The following AFG2A variants were observed in gnomAD, a reference collection of about 807,000 sequenced individuals.
AFG2A encodes the protein ATPase family gene 2 protein homolog A.
At chr4:123,067,484 T>C in the AFG2A span, among the ~76,000 whole-genome samples, 1 of 151,684 alleles carries the variant, frequency 6.6e-6, no homozygotes, top group African/African-American at 2.4e-5. Flanking sequence ...ACCACTGTAC[T>C]CCAGCCTGGG....
the AFG2A span, among the ~76,000 whole-genome samples, chr4:123,074,955 G>A: frequency 2.0e-5 from 3 of 152,074 alleles, no homozygotes; most frequent in South Asian, 4.2e-4. Flanking sequence ...CTTTTTTGGG[G>A]GCGGTGGGAA....
chr4:123,037,316 A>G, the AFG2A span, among the ~76,000 whole-genome samples: 3 of 152,088 alleles, frequency 2.0e-5, no homozygotes, highest in Non-Finnish European at 4.4e-5. Flanking sequence ...CAGCTGGACA[A>G]ATATTTTCAC....
chr4:123,056,824 C>T, the AFG2A span, among the ~76,000 whole-genome samples: 4 of 152,224 alleles, frequency 2.6e-5, no homozygotes, highest in African/African-American at 9.6e-5. Flanking sequence ...ATTAAAATAA[C>T]TTTCTGAGGT....
At chr4:122,995,670 C>T in the AFG2A span, among the ~76,000 whole-genome samples, 1 of 152,170 alleles carries the variant, frequency 6.6e-6, no homozygotes, top group African/African-American at 2.4e-5. Context: ...TTGGTGAAAT[C>T]AAATAGCCTT....
chr4:122,982,328 C>T, the AFG2A span, among the ~76,000 whole-genome samples: 1 of 152,162 alleles, frequency 6.6e-6, no homozygotes, highest in African/African-American at 2.4e-5. Flanking sequence ...AACCAGCAGC[C>T]TTGCATCCTA....
At chr4:122,980,618 T>C in the AFG2A span, among the ~76,000 whole-genome samples, 27 of 152,308 alleles carry the variant, frequency 1.8e-4, no homozygotes, top group South Asian at 5.2e-3. Context: ...CCACCAACAG[T>C]GTACAAGGGT....
At chr4:123,263,941 A>G in the AFG2A span, among the ~76,000 whole-genome samples, 1 of 152,230 alleles carries the variant, frequency 6.6e-6, no homozygotes, top group African/African-American at 2.4e-5. Flanking sequence ...CACAATTACA[A>G]AAATATGGAA....
chr4:123,196,006 GTTT>G, the AFG2A span, among the ~76,000 whole-genome samples: 1 of 142,646 alleles, frequency 7.0e-6, no homozygotes, highest in African/African-American at 2.6e-5. Context: ...TACCATCCTT[GTTT>G]TTTTTTTTTT....
At chr4:123,317,717 T>C in the AFG2A span, 1 of 152,202 alleles carries the variant, frequency 6.6e-6, no homozygotes, top group Non-Finnish European at 1.5e-5. Context: ...GTAATAGATA[T>C]ATGTGATAGT....
chr4:123,022,017 G>A, the AFG2A span, among the ~76,000 whole-genome samples: 136,317 of 150,202 alleles, frequency 0.91, 62,096 homozygotes, highest in East Asian at 0.96. Context: ...CCTTCCTTAC[G>A]CCTTATACAA....
At chr4:123,223,269 T>A in the AFG2A span, among the ~76,000 whole-genome samples, 6 of 152,092 alleles carry the variant, frequency 3.9e-5, no homozygotes, top group Non-Finnish European at 7.4e-5. Flanking sequence ...TAAGTTTGAT[T>A]TACATTCCCT....
the AFG2A span, among the ~76,000 whole-genome samples, chr4:123,048,951 G>T: frequency 6.6e-6 from 1 of 152,220 alleles, no homozygotes; most frequent in East Asian, 1.9e-4. Flanking sequence ...AGATCTTGGT[G>T]TAAAGGCTTT....
the AFG2A span, among the ~76,000 whole-genome samples, chr4:123,096,469 A>AG: frequency 6.6e-6 from 1 of 152,034 alleles, no homozygotes; most frequent in African/African-American, 2.4e-5. Flanking sequence ...CCCCTTTAGA[A>AG]GTGTCCAGTC....
At chr4:123,146,946 A>G in the AFG2A span, among the ~76,000 whole-genome samples, 1 of 152,182 alleles carries the variant, frequency 6.6e-6, no homozygotes, top group Non-Finnish European at 1.5e-5. Flanking sequence ...ATCTGTCCCA[A>G]CAAATGCCCC....
chr4:122,996,590 T>TAGATAGAC, the AFG2A span, among the ~76,000 whole-genome samples: 1 of 151,124 alleles, frequency 6.6e-6, no homozygotes, highest in East Asian at 2.0e-4. Context: ...GATAGATAGA[T>TAGATAGAC]AGATAGATAG....
At chr4:123,256,785 C>T in the AFG2A span, 71 of 984,848 alleles carry the variant, frequency 7.2e-5, no homozygotes, top group Non-Finnish European at 8.4e-5. Context: ...ATGAAAATGA[C>T]TTTTATGTAT....
At chr4:122,956,601 A>G in the AFG2A span, among the ~76,000 whole-genome samples, 1 of 152,198 alleles carries the variant, frequency 6.6e-6, no homozygotes, top group Non-Finnish European at 1.5e-5. Flanking sequence ...TAATCTAGCA[A>G]TGAATCAGAT....
chr4:123,095,017 AT>A, the AFG2A span, among the ~76,000 whole-genome samples: 1 of 117,722 alleles, frequency 8.5e-6, no homozygotes, highest in Non-Finnish European at 1.7e-5. Context: ...CACTTTCTTT[AT>A]ATCCCTCCCC....
the AFG2A span, among the ~76,000 whole-genome samples, chr4:123,068,214 G>A: frequency 2.6e-5 from 4 of 152,112 alleles, no homozygotes. Flanking sequence ...TTCCTAGGAT[G>A]TCAGTTTTAT....
Sources: allele counts gnomAD v4.1 joint callset (sites outside exome capture counted in the v4.1 genomes callset), GRCh38; gene constraint gnomAD v4.1.1; transcripts MANE v1.5; gene names NCBI Gene and HGNC (gene_info 2026-07-23, HGNC 2026-07-21).